AOAH: variants seen among roughly 807,000 people sequenced by gnomAD.
AOAH encodes acyloxyacyl hydrolase (neutrophil).
AOAH carries 64 observed loss-of-function variants against 92.2 expected under a neutral mutation model. That is an observed-to-expected ratio of 0.69 (90% CI 0.57 to 0.86). AOAH has a LOEUF of 0.86. Among genes scored for constraint, AOAH ranks in the 40% least tolerant of loss-of-function variants. The probability of loss-of-function intolerance (pLI) is 0.00; values close to 1 mark genes in which losing one functional copy is unlikely to be tolerated. For missense variants in AOAH, 656 were observed against 694.6 expected, an observed-to-expected ratio of 0.94 and a Z score of 0.62; for synonymous variants, 263 against 254.5, an observed-to-expected ratio of 1.03 and a Z score of -0.32.
At chr7:36,636,906 C>T (rs568768717) in intron 5 of AOAH, among the ~76,000 whole-genome samples, 4 of 152,128 alleles carry the variant, frequency 2.6e-5, no homozygotes, top group Non-Finnish European at 5.9e-5. Flanking sequence ...TGAATAATAC[C>T]TCAAATGTAG....
intron 2 of AOAH, among the ~76,000 whole-genome samples, chr7:36,675,651 G>T (rs1449335564): frequency 2.6e-5 from 4 of 152,140 alleles, no homozygotes; most frequent in Non-Finnish European, 5.9e-5. Context: ...ACTTATTTAT[G>T]AGGTTAATAT....
Position 36,536,668 on chromosome 7 carries a change from G to C in AOAH, c.1306+3651C>G, listed in dbSNP as rs141272482. ...TTGTTTTAAGAATCACGCCTTCTCAGCTGGGAACGGTGGCTCATGCCTGTA... is the reference window on the plus strand; with the variant it reads ...TTGTTTTAAGAATCACGCCTTCTCACCTGGGAACGGTGGCTCATGCCTGTA... On this transcript the variant is annotated intron_variant, in intron 16 of 20. Coordinates refer to ENST00000617537, the MANE Select transcript of AOAH (RefSeq NM_001637.4). Among the ~76,000 whole-genome samples the C allele has an allele frequency of 8.0e-3, 1,224 of 152,258 alleles. 14 individuals are homozygous for C. The highest frequency in any genetic ancestry group is 0.028 in the African/African-American group (1,158 of 41,556).
At chr7:36,680,628 A>G (rs1157832911) in intron 2 of AOAH, among the ~76,000 whole-genome samples, 1 of 152,198 alleles carries the variant, frequency 6.6e-6, no homozygotes, top group African/African-American at 2.4e-5. Context: ...TACAACTGAC[A>G]TAACCATTCT....
At chr7:36,602,525 C>T (rs1160988985) in intron 11 of AOAH, among the ~76,000 whole-genome samples, 3 of 150,788 alleles carry the variant, frequency 2.0e-5, no homozygotes, top group African/African-American at 7.3e-5. Flanking sequence ...ATAAAATATC[C>T]TCCTCATATG....
intron 11 of AOAH, among the ~76,000 whole-genome samples, chr7:36,615,815 G>A (rs555479221): frequency 1.3e-5 from 2 of 151,858 alleles, no homozygotes; most frequent in South Asian, 2.1e-4. Flanking sequence ...GTCAATAAAT[G>A]TTGGTTTCCC....
intron 3 of AOAH, among the ~76,000 whole-genome samples, chr7:36,664,247 T>C (rs2116572826): frequency 6.6e-6 from 1 of 152,308 alleles, no homozygotes; most frequent in Non-Finnish European, 1.5e-5. Flanking sequence ...TGTAGTTTTG[T>C]TTTTTAAATT....
chr7:36,555,194 AG>A (rs1381000135), intron 13 of AOAH, among the ~76,000 whole-genome samples: 5 of 151,382 alleles, frequency 3.3e-5, no homozygotes, highest in South Asian at 2.1e-4. Flanking sequence ...TTTAGCATGA[AG>A]GGTTGTTGAA....
At chr7:36,594,608 G>A (rs1217765724) in intron 11 of AOAH, 178 bp from the exon 12 acceptor site, 2 of 680,766 alleles carry the variant, frequency 2.9e-6, no homozygotes, top group Non-Finnish European at 2.7e-6. Flanking sequence ...CATCAGGGAA[G>A]TCACAATGAT....
At chr7:36,524,235 C>G (rs1784266320) in intron 19 of AOAH, among the ~76,000 whole-genome samples, 1 of 152,076 alleles carries the variant, frequency 6.6e-6, no homozygotes, top group Non-Finnish European at 1.5e-5. Flanking sequence ...CAGGGTGTTG[C>G]ACGGACTGAA....
intron 4 of AOAH, among the ~76,000 whole-genome samples, chr7:36,654,118 C>CGGGT (rs1794737659): frequency 6.6e-6 from 1 of 151,638 alleles, no homozygotes; most frequent in African/African-American, 2.4e-5. Flanking sequence ...CATCCCTGTG[C>CGGGT]GTGTGTGCGT....
chr7:36,640,935 T>A (rs1019286239), intron 4 of AOAH, among the ~76,000 whole-genome samples: 13 of 152,002 alleles, frequency 8.6e-5, no homozygotes, highest in African/African-American at 2.7e-4. Flanking sequence ...AAGTCAGAGA[T>A]TCCAGGCTCG....
At chr7:36,575,588 G>GT (rs1443855718) in intron 13 of AOAH, among the ~76,000 whole-genome samples, 1 of 152,250 alleles carries the variant, frequency 6.6e-6, no homozygotes, top group African/African-American at 2.4e-5. Context: ...AATGTCTGTT[G>GT]TTGAAAGGAT....
At chr7:36,644,877 G>A (rs541284234) in intron 4 of AOAH, among the ~76,000 whole-genome samples, 88 of 148,006 alleles carry the variant, frequency 5.9e-4, no homozygotes, top group African/African-American at 2.0e-3. Context: ...GATTCCAAAT[G>A]GGCGTTTTTT....
intron 11 of AOAH, among the ~76,000 whole-genome samples, chr7:36,610,159 C>CAAAAAAA (rs71553082): frequency 1.5e-3 from 75 of 49,252 alleles, no homozygotes; most frequent in African/African-American, 2.8e-3. Context: ...TCCATAATAG[C>CAAAAAAA]AAAAAAAAAA....
At chr7:36,537,236 A>AT (rs59203342) in intron 16 of AOAH, among the ~76,000 whole-genome samples, 121,126 of 144,646 alleles carry the variant, frequency 0.84, 51,707 homozygotes, top group Non-Finnish European at 0.93. Flanking sequence ...CCTTGATTGG[A>AT]TTTTTTTTTT....
chr7:36,714,940 C>T (rs1156458665), intron 1 of AOAH, among the ~76,000 whole-genome samples: 1 of 151,856 alleles, frequency 6.6e-6, no homozygotes, highest in African/African-American at 2.4e-5. Context: ...CCCTCTCTCA[C>T]CACACCTATT....
intron 9 of AOAH, 116 bp downstream of exon 9, chr7:36,620,665 G>C (rs1792214118): frequency 2.2e-6 from 2 of 890,752 alleles, no homozygotes; most frequent in East Asian, 5.3e-5. Flanking sequence ...AGCAGGAAAA[G>C]AGTTGCTTTA....
In AOAH at chr7:36,516,898, G is replaced by T. The variant is rs1479944458; in HGVS notation, c.1600-3518C>A. On this transcript the variant is annotated intron_variant, in intron 20 of 20. Transcript: ENST00000617537. This position sits in a 1 kb window ranked among gnomAD's most constrained non-coding sequence, Gnocchi z 5.0. The stretch of plus-strand genomic sequence containing the variant: ...TTGGTAACTGGTTTGAACGCAATTA[G>T]TTGGTTGTCACTCTAATAAGGAATA... 6.6e-6 allele frequency among the ~76,000 whole-genome samples: 1 copy of T among 152,218 alleles called. No homozygotes were observed. Among genetic ancestry groups the T allele is most frequent in the Non-Finnish European group, 1.5e-5 (1 of 68,030 alleles).
At chr7:36,538,712 T>C (rs1228478102) in intron 16 of AOAH, among the ~76,000 whole-genome samples, 1 of 152,218 alleles carries the variant, frequency 6.6e-6, no homozygotes, top group African/African-American at 2.4e-5. Flanking sequence ...CCCAGGTTGG[T>C]GTCCTTTCTG....
Sources: allele counts gnomAD v4.1 joint callset (sites outside exome capture counted in the v4.1 genomes callset), GRCh38; gene constraint gnomAD v4.1.1; non-coding constraint Gnocchi (gnomAD v3.1); transcripts MANE v1.5; gene names NCBI Gene and HGNC (gene_info 2026-07-23, HGNC 2026-07-21).